Variants in HEG1 observed in about 807,000 individuals in gnomAD.
HEG1 encodes the protein heart development protein with EGF like domains 1.
A neutral mutation model predicts 125.6 loss-of-function variants in HEG1; 56 were observed. The ratio of observed to expected loss-of-function variants is 0.45; its 90% CI spans 0.36 to 0.56. The LOEUF is 0.56. Ranked by LOEUF, HEG1 falls within the 20% of genes least tolerant of loss-of-function variation. HEG1 has a pLI of 0.00. For missense variants in HEG1, 1,523 were observed against 1,670.0 expected (o/e 0.91, Z 1.53); for synonymous variants, 644 against 668.5 (o/e 0.96, Z 0.57).
At chr3:125,003,195 T>C (rs895128341) in intron 9 of HEG1, among the ~76,000 whole-genome samples, 1 of 152,228 alleles carries the variant, frequency 6.6e-6, no homozygotes, top group African/African-American at 2.4e-5. Flanking sequence ...AACATTTGAG[T>C]GGCTTCCTCA....
rs1223102780 is a variant in HEG1, at chr3:125,027,572, A to AG, written c.611-66dup. ...CTTCAAAATGTCTTAATATGCTTTT[A>AG]GGGGGCTCAGTTCTGACATCTACAA... On this transcript the variant is annotated intron_variant, in intron 2 of 16. Coordinates refer to ENST00000311127, the MANE Select transcript of HEG1 (RefSeq NM_020733.2). The AG allele has an allele frequency of 2.0e-5, 27 of 1,336,222 alleles. 1 individual carries two copies. Among genetic ancestry groups the AG allele is most frequent in the Admixed American group, 4.6e-5 (2 of 43,416 alleles). 82.8% of individuals were successfully genotyped at this position (1,336,222 alleles called of 1,614,324 possible).
intron 15 of HEG1, 63 bp downstream of exon 15, chr3:124,977,796 A>C: frequency 9.4e-7 from 1 of 1,069,116 alleles, no homozygotes; most frequent in Non-Finnish European, 1.4e-6. Context: ...AAAAGAATAC[A>C]AACTGACCCT....
At chr3:125,022,710 AAAAG>A (rs1304346015) in intron 3 of HEG1, among the ~76,000 whole-genome samples, 4 of 130,320 alleles carry the variant, frequency 3.1e-5, no homozygotes, top group Admixed American at 1.6e-4. Context: ...TAAATAAATA[AAAAG>A]AAAAGAAAGC....
chr3:124,995,372 A>G (rs1045384142), intron 12 of HEG1, among the ~76,000 whole-genome samples: 1 of 152,160 alleles, frequency 6.6e-6, no homozygotes, highest in Non-Finnish European at 1.5e-5. Flanking sequence ...TATGAGAGGG[A>G]TATCTACTTT....
chr3:125,027,235 C>G lies in HEG1; in HGVS notation c.883G>C (p.Ala295Pro). ...GAAAGGTCTAAGAGAGGAGAGGAAG[C>G]TGCTGTCCTGTAGAAATGCAGCCAG... ...LSWLHFYRTA[A>P]SSPLLDLSSS... Residue 295 changes from alanine (A) to proline (P), a missense_variant, in exon 3 of 17, where the codon GCT becomes CCT. Transcript: ENST00000311127. 1 of 1,610,800 alleles carries G rather than the reference C, an allele frequency of 6.2e-7. No individual in the cohort carries two copies. Among genetic ancestry groups the G allele is most frequent in the Non-Finnish European group, 8.5e-7 (1 of 1,178,550 alleles).
chr3:124,984,304 G>T (rs900094769), intron 14 of HEG1, among the ~76,000 whole-genome samples: 8 of 152,154 alleles, frequency 5.3e-5, no homozygotes, highest in African/African-American at 1.9e-4. Flanking sequence ...TGAGGCAGGG[G>T]TCTCCTCTGA....
At chr3:125,028,398 C>G (rs1937449137) in intron 2 of HEG1, among the ~76,000 whole-genome samples, 1 of 152,198 alleles carries the variant, frequency 6.6e-6, no homozygotes, top group Non-Finnish European at 1.5e-5. Flanking sequence ...CCTTTGTGGG[C>G]AACTGATGCC....
chr3:125,055,206 A>G (rs1937903682), intron 1 of HEG1, among the ~76,000 whole-genome samples: 1 of 152,224 alleles, frequency 6.6e-6, no homozygotes, highest in Non-Finnish European at 1.5e-5. Context: ...CCAGTTCTGT[A>G]TAGCGGAAAA....
intron 12 of HEG1, among the ~76,000 whole-genome samples, chr3:124,996,944 G>T (rs2034184034): frequency 6.6e-6 from 1 of 152,196 alleles, no homozygotes; most frequent in Non-Finnish European, 1.5e-5. Context: ...TTATTTTAAA[G>T]CAGTATTCTT....
At chr3:125,050,390 C>T (rs1039118333) in intron 1 of HEG1, among the ~76,000 whole-genome samples, 8 of 152,104 alleles carry the variant, frequency 5.3e-5, no homozygotes, top group East Asian at 1.9e-4. Flanking sequence ...GTGATCCACC[C>T]GACTTGGCCT....
At chr3:125,014,016 G>C in intron 5 of HEG1, 26 bp from the exon 6 acceptor site, 1 of 1,557,394 alleles carries the variant, frequency 6.4e-7, no homozygotes, top group Non-Finnish European at 8.6e-7. Context: ...CCAAAGTTAG[G>C]TCAAATAAAA....
chr3:125,009,252 C>CA (rs958611337), intron 8 of HEG1, among the ~76,000 whole-genome samples: 14 of 151,452 alleles, frequency 9.2e-5, no homozygotes, highest in African/African-American at 3.2e-4. Flanking sequence ...GTAGGACAAT[C>CA]AGAGTTTTAC....
chr3:125,018,906 G>A (rs1354669636), intron 5 of HEG1, among the ~76,000 whole-genome samples: 8 of 132,766 alleles, frequency 6.0e-5, no homozygotes, highest in Admixed American at 3.6e-4. Flanking sequence ...CGCTTTTGTC[G>A]CCCAGGCTGG....
At position 124,969,878 on chromosome 3, in the gene HEG1, C is replaced by T. The variant is rs1269386545; in HGVS notation, c.*774G>A. 3 of 152,136 alleles carry T rather than the reference C, an allele frequency of 2.0e-5. No individual in the cohort carries two copies. Among genetic ancestry groups the T allele is most frequent in the African/African-American group, 7.2e-5 (3 of 41,416 alleles). The allele number at this position is 152,136 out of a possible 1,614,324, so 9.4% of individuals were successfully genotyped here. A position where few individuals can be genotyped will look rare whatever the true frequency, so the allele number is the denominator to read the frequency against. On this transcript the variant is annotated 3_prime_UTR_variant, in exon 17 of 17. Transcript: ENST00000311127. ...CTGCCTGCTGAGCCTCCAGCTAAAA[C>T]CAAATATAAGTTGTTTTGCCCTGAT...
intron 15 of HEG1, among the ~76,000 whole-genome samples, chr3:124,977,001 C>T (rs964595500): frequency 2.6e-5 from 4 of 152,158 alleles, no homozygotes; most frequent in African/African-American, 7.2e-5. Context: ...TGAATTCCCA[C>T]GTGTTGTGGG....
At position 125,023,125 on chromosome 3, in the gene HEG1, T is replaced by C. The variant is rs189141989; in HGVS notation, c.914-1995A>G. On this transcript the variant is annotated intron_variant, in intron 3 of 16. Coordinates refer to ENST00000311127, the MANE Select transcript of HEG1 (RefSeq NM_020733.2). ...AGGAGAATTGCTTGAACCTGGGAGG[T>C]GGAGGTTGCAGTGAGCTGAGATTGT... Among the ~76,000 whole-genome samples the C allele has an allele frequency of 9.0e-3, 1,361 of 151,930 alleles. 22 individuals carry two copies. The highest frequency in any genetic ancestry group is 0.03 in the African/African-American group (1,240 of 41,406).
Position 125,037,150 on chromosome 3 carries a change from C to T in HEG1, c.317-7662G>A, listed in dbSNP as rs143322084. Among the ~76,000 whole-genome samples, 506 of 152,326 alleles carry T rather than the reference C, an allele frequency of 3.3e-3. 1 individual carries two copies. The highest frequency in any genetic ancestry group is 0.012 in the African/African-American group (487 of 41,562). ...TACAGTTTTTCTTATGTATTATGCT[C>T]ACACTATACTGTCAAATGCAAACAT... On this transcript the variant is annotated intron_variant, in intron 1 of 16. Transcript: ENST00000311127.
intron 14 of HEG1, among the ~76,000 whole-genome samples, chr3:124,990,483 C>T (rs1416592026): frequency 6.6e-6 from 1 of 152,174 alleles, no homozygotes; most frequent in Admixed American, 6.5e-5. Flanking sequence ...GGATTACAGG[C>T]ATGTGCCATC....
At chr3:125,012,228 T>C (rs6772910) in intron 6 of HEG1, among the ~76,000 whole-genome samples, 1 of 151,934 alleles carries the variant, frequency 6.6e-6, no homozygotes, top group Non-Finnish European at 1.5e-5. Flanking sequence ...CAGCCAGGCC[T>C]CCTAAGCTTC....
Sources: gnomAD v4.1 joint callset for allele counts (sites outside exome capture counted in the v4.1 genomes callset) on GRCh38, gnomAD v4.1.1 for gene constraint, MANE v1.5 for transcripts, NCBI Gene and HGNC (gene_info 2026-07-23, HGNC 2026-07-21) for gene names.